OSTF1: variants seen among roughly 807,000 people sequenced by gnomAD.
OSTF1 encodes osteoclast stimulating factor 1, also known as osteoclast-stimulating factor 1.
OSTF1 carries 27 observed loss-of-function variants against 37.2 expected under a neutral mutation model. The ratio of observed to expected loss-of-function variants is 0.73; its 90% CI spans 0.54 to 1.00. The LOEUF (loss-of-function observed/expected upper bound fraction) is 1.00. Ranked by LOEUF, OSTF1 falls within the 50% of genes least tolerant of loss-of-function variation. The pLI is 0.00. For missense variants in OSTF1, 232 were observed against 253.8 expected, an observed-to-expected ratio of 0.91 and a Z score of 0.58; for synonymous variants, 82 against 89.2, an observed-to-expected ratio of 0.92 and a Z score of 0.46.
intron 2 of OSTF1, among the ~76,000 whole-genome samples, chr9:75,118,958 G>A (rs1349333206): frequency 1.3e-5 from 2 of 152,138 alleles, no homozygotes; most frequent in African/African-American, 2.4e-5. Context: ...TCTCATATAT[G>A]CTAGGGACCA....
At chr9:75,111,811 C>CTTTTTTTT (rs535464490) in intron 1 of OSTF1, among the ~76,000 whole-genome samples, 9 of 52,160 alleles carry the variant, frequency 1.7e-4, no homozygotes, top group Admixed American at 3.3e-4. Flanking sequence ...ATGTTTACTG[C>CTTTTTTTT]TTTTTTTTTT....
chr9:75,101,879 T>C (rs1825199101), intron 1 of OSTF1, among the ~76,000 whole-genome samples: 1 of 152,246 alleles, frequency 6.6e-6, no homozygotes, highest in South Asian at 2.1e-4. Context: ...GGTTGCACTA[T>C]AAATAAAGGG....
At chr9:75,140,812 T>A in intron 8 of OSTF1, 22 bp from the exon 9 acceptor site, 2 of 1,576,016 alleles carry the variant, frequency 1.3e-6, no homozygotes, top group Non-Finnish European at 8.7e-7. Context: ...GACACCTAAT[T>A]GACTTTTCTT....
At chr9:75,126,755 G>A (rs1370512026) in intron 2 of OSTF1, among the ~76,000 whole-genome samples, 2 of 152,000 alleles carry the variant, frequency 1.3e-5, no homozygotes, top group African/African-American at 4.8e-5. Context: ...ACCATGCCCA[G>A]CTAATTTTTG....
At chr9:75,109,593 T>G (rs1404125998) in intron 1 of OSTF1, among the ~76,000 whole-genome samples, 2 of 152,244 alleles carry the variant, frequency 1.3e-5, no homozygotes, top group Non-Finnish European at 2.9e-5. Context: ...TAATAGGTCA[T>G]GACCTTCAGT....
At position 75,133,322 on chromosome 9, in the gene OSTF1, G is replaced by A; in HGVS notation, c.279G>A (p.Leu93=). The A allele has an allele frequency of 1.2e-6, 2 of 1,612,256 alleles. No homozygotes were observed. Among genetic ancestry groups the A allele is most frequent in the Non-Finnish European group, 1.7e-6 (2 of 1,178,440 alleles). ...ACTTGAGCTGGTTGAGAGAGTGTTT[G>A]GACAACAGAGTGGGTGTTAATGGCT... The part of the protein sequence containing the change: ...RGNLSWLREC[L]DNRVGVNGLD... The change falls in exon 6 of 10, where the codon TTG becomes TTA. Residue 93 remains leucine (L), a synonymous_variant. Transcript: ENST00000346234.
chr9:75,106,464 G>T lies in OSTF1; in HGVS notation c.35-11040G>T, dbSNP rs181457161. 3.8e-3 allele frequency among the ~76,000 whole-genome samples: 575 copies of T among 152,014 alleles called. 5 individuals carry two copies. The highest frequency in any genetic ancestry group is 0.013 in the African/African-American group (558 of 41,452). On this transcript the variant is annotated intron_variant, in intron 1 of 9. Transcript: ENST00000346234. ...GTTCAAGATCAGCCTGGCCAACGTG[G>T]TGAAACTCCGTCTCTACTAAAAATA...
intron 1 of OSTF1, among the ~76,000 whole-genome samples, chr9:75,102,214 A>G (rs1251579060): frequency 6.6e-6 from 1 of 152,098 alleles, no homozygotes; most frequent in African/African-American, 2.4e-5. Flanking sequence ...GCCTCAAGTG[A>G]TCCTCCCACC....
intron 2 of OSTF1, among the ~76,000 whole-genome samples, chr9:75,122,933 A>C (rs1825603395): frequency 6.6e-6 from 1 of 152,204 alleles, no homozygotes; most frequent in African/African-American, 2.4e-5. Flanking sequence ...AGTTTTTCTA[A>C]ACTTTTCATA....
chr9:75,122,182 A>T (rs1463801520), intron 2 of OSTF1, among the ~76,000 whole-genome samples: 1 of 152,192 alleles, frequency 6.6e-6, no homozygotes, highest in Non-Finnish European at 1.5e-5. Context: ...TTCCTGTGTT[A>T]AGAGGAGCAT....
intron 2 of OSTF1, among the ~76,000 whole-genome samples, chr9:75,118,678 G>A (rs186384296): frequency 9.8e-4 from 149 of 152,296 alleles, no homozygotes; most frequent in African/African-American, 3.4e-3. Context: ...CAGTCATGGC[G>A]GAAGGCGAAA....
At chr9:75,125,127 C>T (rs1188656912) in intron 2 of OSTF1, among the ~76,000 whole-genome samples, 2 of 152,128 alleles carry the variant, frequency 1.3e-5, no homozygotes, top group Non-Finnish European at 2.9e-5. Context: ...TTCATTCTCC[C>T]CTCCCAGGCC....
Position 75,110,514 on chromosome 9 carries a change from C to A in OSTF1, c.35-6990C>A, listed in dbSNP as rs1825367591. On this transcript the variant is annotated intron_variant, in intron 1 of 9. Coordinates refer to ENST00000346234, the MANE Select transcript of OSTF1 (RefSeq NM_012383.5). ...TGTCAGTATTTTTCACTTTAGCCAT[C>A]AGAGTGAGTATGTAGTAGTTATCAT... 2.0e-5 allele frequency among the ~76,000 whole-genome samples: 3 copies of A among 152,136 alleles called. No homozygotes were observed. In the South Asian group the frequency reaches 6.2e-4, roughly 32 times the overall value.
intron 1 of OSTF1, among the ~76,000 whole-genome samples, chr9:75,096,764 T>C (rs928382437): frequency 3.3e-5 from 5 of 152,194 alleles, no homozygotes; most frequent in African/African-American, 9.6e-5. Flanking sequence ...TTCCAAACTT[T>C]AGCTCGCTGA....
chr9:75,143,934 G>C (rs980788370), intron 9 of OSTF1, among the ~76,000 whole-genome samples: 4 of 152,164 alleles, frequency 2.6e-5, no homozygotes, highest in Admixed American at 6.5e-5. Context: ...TGACCACTCA[G>C]TCAGAGTCTG....
chr9:75,143,462 C>T (rs1430788463), intron 9 of OSTF1, among the ~76,000 whole-genome samples: 1 of 152,112 alleles, frequency 6.6e-6, no homozygotes, highest in Admixed American at 6.6e-5. Context: ...GAGAACAGTT[C>T]CCACACGCCA....
Position 75,127,631 on chromosome 9 carries a change from T to C in OSTF1, c.132+12T>C. The C allele has an allele frequency of 7.0e-7, 1 of 1,430,576 alleles. No homozygotes were observed. Among genetic ancestry groups the C allele is most frequent in the South Asian group, 1.2e-5 (1 of 81,962 alleles). 88.6% of individuals were successfully genotyped at this position (1,430,576 alleles called of 1,614,324 possible). Reference sequence around the variant, plus strand: ...ACATTACTGACATGGTAAGTCCAGATAACATCTTGTAATACCACATATAAA... The same window carrying C: ...ACATTACTGACATGGTAAGTCCAGACAACATCTTGTAATACCACATATAAA... On this transcript the variant is annotated intron_variant, in intron 3 of 9. Transcript: ENST00000346234.
At chr9:75,138,425 A>G (rs980584307) in intron 8 of OSTF1, among the ~76,000 whole-genome samples, 3 of 152,234 alleles carry the variant, frequency 2.0e-5, no homozygotes, top group African/African-American at 7.2e-5. Context: ...GATGACTTTG[A>G]TGCCTAATAT....
At chr9:75,114,258 G>T (rs1825442623) in intron 1 of OSTF1, among the ~76,000 whole-genome samples, 1 of 152,126 alleles carries the variant, frequency 6.6e-6, no homozygotes, top group Admixed American at 6.5e-5. Context: ...ATAATGTGCA[G>T]CATTCTGTTT....
Sources: gnomAD v4.1 joint callset for allele counts (sites outside exome capture counted in the v4.1 genomes callset) on GRCh38, gnomAD v4.1.1 for gene constraint, MANE v1.5 for transcripts, NCBI Gene and HGNC (gene_info 2026-07-23, HGNC 2026-07-21) for gene names.